NABP1: variants seen among roughly 807,000 people sequenced by gnomAD.
NABP1 encodes the protein nucleic acid binding protein 1, also known as SOSS complex subunit B2.
A neutral mutation model predicts 25.0 loss-of-function variants in NABP1; 18 were observed. That is an observed-to-expected ratio of 0.72 (90% CI 0.50 to 1.07). The LOEUF (loss-of-function observed/expected upper bound fraction) is 1.07. NABP1 is among the 50% of genes least tolerant of loss of function. The pLI, the probability that NABP1 is intolerant of heterozygous loss-of-function variation, is 0.00. For missense variants in NABP1, 270 were observed against 255.6 expected (o/e 1.06, Z -0.39); for synonymous variants, 71 against 85.0 (o/e 0.84, Z 0.91).
intron 3 of NABP1, chr2:191,682,454 T>C (rs1206468905): frequency 2.1e-6 from 1 of 468,148 alleles, no homozygotes; most frequent in African/African-American, 2.0e-5. Flanking sequence ...AAAAAGGACT[T>C]GCAGCAACGA....
chr2:191,684,391 T>TTAG, intron 5 of NABP1, 95 bp downstream of exon 5: 1 of 816,420 alleles, frequency 1.2e-6, no homozygotes, highest in Non-Finnish European at 1.8e-6. Context: ...TAGGCATAAA[T>TTAG]TAGTGATAAA....
chr2:191,678,786 G>A, intron 1 of NABP1, 81 bp downstream of exon 1: 1 of 1,321,012 alleles, frequency 7.6e-7, no homozygotes, highest in East Asian at 2.5e-5. Flanking sequence ...CTGCGCGCCC[G>A]GGGCTCCCCT....
At chr2:191,684,373 A>C (rs531700702) in intron 5 of NABP1, 77 bp downstream of exon 5, 1 of 1,048,168 alleles carries the variant, frequency 9.5e-7, no homozygotes, top group Admixed American at 2.9e-5. Flanking sequence ...CGTGAAAAGC[A>C]ACGTCTTTAG....
intron 5 of NABP1, 113 bp from the exon 6 acceptor site, chr2:191,685,485 TA>T: frequency 1.1e-6 from 1 of 945,046 alleles, no homozygotes; most frequent in Non-Finnish European, 1.5e-6. Context: ...TGTATAAAAA[TA>T]AAAGTGTGTG....
intron 3 of NABP1, 124 bp downstream of exon 3, chr2:191,682,141 G>A (rs1558986418): frequency 1.9e-6 from 1 of 512,980 alleles, no homozygotes; most frequent in Non-Finnish European, 3.4e-6. Context: ...GTCTTTGGTA[G>A]CTTAATTGAA....
chr2:191,683,769 C>A lies in NABP1; in HGVS notation c.343C>A (p.Pro115Thr), dbSNP rs1687744722. Residue 115 changes from proline (P) to threonine (T), a missense_variant, in exon 4 of 6, where the codon CCC (proline) becomes ACC (threonine). Pro to Thr is a conservative substitution (Grantham distance 38). Transcript: ENST00000425611. The surrounding 1 kb of genome is among the most constrained non-coding windows in gnomAD (Gnocchi z 4.1). ...VYSEVPNFSE[P>T]NPDYRGQQNK... ...TTCAGAAGTGCCAAATTTCAGTGAA[C>A]CCAACCCAGATTATCGAGGACAGCA... 6.2e-7 allele frequency: 1 copy of A among 1,609,990 alleles called. No individual in the cohort carries two copies. The highest frequency in any genetic ancestry group is 8.5e-7 in the Non-Finnish European group (1 of 1,178,980).
chr2:191,680,317 T>C (rs1269576307), intron 2 of NABP1, among the ~76,000 whole-genome samples: 2 of 152,334 alleles, frequency 1.3e-5, no homozygotes, highest in African/African-American at 4.8e-5. Flanking sequence ...TGGAAAGCAC[T>C]GAGAGTAGGA....
chr2:191,678,894 C>T (rs1022725057), intron 1 of NABP1, 96 bp from the exon 2 acceptor site: 6 of 1,564,310 alleles, frequency 3.8e-6, no homozygotes, highest in Non-Finnish European at 5.2e-6. Flanking sequence ...TCACTTCCCA[C>T]CTTCCAGATG....
Position 191,678,434 on chromosome 2 carries a change from T to TTTTTTTTGG in NABP1, c.-180_-179insTTTTTTGGT. 1 of 360,414 alleles carries TTTTTTTTGG rather than the reference T, an allele frequency of 2.8e-6. No individual in the cohort carries two copies. Among genetic ancestry groups the TTTTTTTTGG allele is most frequent in the East Asian group, 4.0e-5 (1 of 24,694 alleles). The allele number at this position is 360,414 out of a possible 1,614,324, so 22.3% of individuals were successfully genotyped here. Reference sequence around the variant, plus strand: ...TTTTTTTTTTTTTTTTTTTCTTTTTTTAGGCTCAGTGCTGTCCGGGCTGGT... The same window carrying TTTTTTTTGG: ...TTTTTTTTTTTTTTTTTTTCTTTTTTTTTTTTTGGTAGGCTCAGTGCTGTCCGGGCTGGT... On this transcript the variant is annotated 5_prime_UTR_variant, in exon 1 of 6. Coordinates refer to ENST00000425611, the MANE Select transcript of NABP1 (RefSeq NM_001031716.5).
At position 191,678,462 on chromosome 2, in the gene NABP1, G is replaced by T; in HGVS notation, c.-153G>T. 1.0e-5 allele frequency: 3 copies of T among 289,988 alleles called. No individual in the cohort carries two copies. The highest frequency in any genetic ancestry group is 1.3e-5 in the Non-Finnish European group (2 of 159,542). The allele number at this position is 289,988 out of a possible 1,614,324, so 18.0% of individuals were successfully genotyped here. ...GGCTCAGTGCTGTCCGGGCTGGTTT[G>T]CCCGGTCCCTGACTAACGGCTTTCT... On this transcript the variant is annotated 5_prime_UTR_variant, in exon 1 of 6. Coordinates refer to ENST00000425611, the MANE Select transcript of NABP1 (RefSeq NM_001031716.5).
At chr2:191,684,337 A>C (rs1252237340) in intron 5 of NABP1, 41 bp downstream of exon 5, 2 of 1,359,012 alleles carry the variant, frequency 1.5e-6, no homozygotes, top group East Asian at 5.4e-5. Context: ...ATCAGGTATA[A>C]GAATGAAGAG....
Position 191,683,777 on chromosome 2 carries a change from A to G in NABP1, c.351A>G (p.Pro117=). 6.2e-7 allele frequency: 1 copy of G among 1,609,536 alleles called. No homozygotes were observed. Among genetic ancestry groups the G allele is most frequent in the Non-Finnish European group, 8.5e-7 (1 of 1,178,894 alleles). ...TGCCAAATTTCAGTGAACCCAACCC[A>G]GATTATCGAGGACAGCAGAACAAAG... ...SEVPNFSEPN[P]DYRGQQNKGA... Residue 117 remains proline (P), a synonymous_variant, in exon 4 of 6, where the codon CCA becomes CCG. Coordinates refer to ENST00000425611, the MANE Select transcript of NABP1 (RefSeq NM_001031716.5). This position sits in a 1 kb window ranked among gnomAD's most constrained non-coding sequence, Gnocchi z 4.1.
intron 3 of NABP1, chr2:191,682,669 A>G: frequency 2.3e-6 from 1 of 437,498 alleles, no homozygotes; most frequent in Non-Finnish European, 4.8e-6. Flanking sequence ...GAGCCAAATC[A>G]TCAGTCCATT....
intron 1 of NABP1, 58 bp downstream of exon 1, chr2:191,678,763 G>A: frequency 6.7e-7 from 1 of 1,503,452 alleles, no homozygotes. Flanking sequence ...GCGGGAGACA[G>A]GGGCGCCGGC....
In NABP1 at chr2:191,679,138, CA is replaced by C. The variant is rs761171498; in HGVS notation, c.230+16del. ...TTCGGTTGACCAGAGGGTAGGTGTG[CA>C]AAAAAGTCGGGGGACCTAACAGTCT... On this transcript the variant is annotated intron_variant, in intron 2 of 5. Transcript: ENST00000425611. 4 of 1,613,638 alleles carry C rather than the reference CA, an allele frequency of 2.5e-6. No homozygotes were observed. Among genetic ancestry groups the C allele is most frequent in the Non-Finnish European group, 3.4e-6 (4 of 1,179,826 alleles).
At chr2:191,682,423 G>A in intron 3 of NABP1, 1 of 443,864 alleles carries the variant, frequency 2.3e-6, no homozygotes, top group Non-Finnish European at 4.7e-6. Context: ...CTATGGTTAT[G>A]GGTGAATATG....
intron 2 of NABP1, 35 bp from the exon 3 acceptor site, chr2:191,681,911 T>C (rs753641615): frequency 7.4e-7 from 1 of 1,347,126 alleles, no homozygotes; most frequent in Admixed American, 2.4e-5. Context: ...AAAATAAATA[T>C]ATTTCTAAAG....
Position 191,678,837 on chromosome 2 carries a change from C to G in NABP1, c.91+132C>G, listed in dbSNP as rs546546280. 3.0e-6 allele frequency: 4 copies of G among 1,318,886 alleles called. No individual in the cohort carries two copies. In the South Asian group the frequency reaches 5.3e-5, roughly 18 times the overall value. 81.7% of individuals were successfully genotyped at this position (1,318,886 alleles called of 1,614,324 possible). ...CCCCCACCCACGTGGCTCTAGTGGC[C>G]TCCGCCCGAGATCGGATCCTACCTG... On this transcript the variant is annotated intron_variant, in intron 1 of 5. Coordinates refer to ENST00000425611, the MANE Select transcript of NABP1 (RefSeq NM_001031716.5).
At chr2:191,679,291 G>T (rs1390349095) in intron 2 of NABP1, among the ~76,000 whole-genome samples, 163 bp downstream of exon 2, 1 of 152,176 alleles carries the variant, frequency 6.6e-6, no homozygotes, top group Non-Finnish European at 1.5e-5. Context: ...GCAGCGCTGG[G>T]ATGTAACAGA....
Sources: allele counts gnomAD v4.1 joint callset (sites outside exome capture counted in the v4.1 genomes callset), GRCh38; gene constraint gnomAD v4.1.1; non-coding constraint Gnocchi (gnomAD v3.1); transcripts MANE v1.5; gene names NCBI Gene and HGNC (gene_info 2026-07-23, HGNC 2026-07-21).